UNC5C: variants seen among roughly 807,000 people sequenced by gnomAD.
UNC5C encodes unc-5 netrin receptor C.
Under a neutral mutation model 99.8 loss-of-function variants are expected in UNC5C, and 47 were observed. The observed-to-expected ratio is 0.47, with a 90% CI of 0.37 to 0.60. UNC5C has a LOEUF of 0.60. Ranked by LOEUF, UNC5C falls within the 20% of genes least tolerant of loss-of-function variation. The pLI is 0.00. For missense variants in UNC5C, 1,062 were observed against 1,165.9 expected (o/e 0.91, Z 1.30); for synonymous variants, 487 against 452.2 (o/e 1.08, Z -0.98).
chr4:95,383,615 G>A (rs141804373), intron 1 of UNC5C, among the ~76,000 whole-genome samples: 142 of 152,264 alleles, frequency 9.3e-4, no homozygotes, highest in Non-Finnish European at 1.7e-3. Flanking sequence ...CCCAACAACA[G>A]CAAACCAGGG....
intron 1 of UNC5C, among the ~76,000 whole-genome samples, chr4:95,395,904 C>T (rs988782180): frequency 1.1e-4 from 17 of 152,150 alleles, no homozygotes; most frequent in African/African-American, 4.1e-4. Context: ...TGAAGACTGG[C>T]CTGTTGGCCT....
chr4:95,373,648 C>A (rs1047720587), intron 1 of UNC5C, among the ~76,000 whole-genome samples: 26 of 152,174 alleles, frequency 1.7e-4, no homozygotes, highest in African/African-American at 6.3e-4. Flanking sequence ...AGCACAGCAA[C>A]TGGCACAAGG....
At chr4:95,373,246 A>G (rs1252291305) in intron 1 of UNC5C, among the ~76,000 whole-genome samples, 1 of 152,154 alleles carries the variant, frequency 6.6e-6, no homozygotes, top group Admixed American at 6.5e-5. Flanking sequence ...CCGGCTTTCC[A>G]TGGTTTCATT....
intron 7 of UNC5C, among the ~76,000 whole-genome samples, chr4:95,224,937 C>T (rs146675717): frequency 1.1e-4 from 17 of 150,796 alleles, no homozygotes; most frequent in African/African-American, 4.1e-4. Flanking sequence ...GAGGCAAGTG[C>T]TTGATGAGAA....
chr4:95,515,743 G>C (rs752962466), intron 1 of UNC5C, among the ~76,000 whole-genome samples: 3 of 152,168 alleles, frequency 2.0e-5, no homozygotes, highest in African/African-American at 7.2e-5. Context: ...TTGCAATAAT[G>C]CATCCTAAAA....
chr4:95,230,762 T>G (rs1472604049), intron 7 of UNC5C, among the ~76,000 whole-genome samples: 2 of 151,584 alleles, frequency 1.3e-5, no homozygotes, highest in Admixed American at 1.3e-4. Context: ...AGATCCTGCA[T>G]GAGAACAGGC....
intron 12 of UNC5C, among the ~76,000 whole-genome samples, chr4:95,201,612 T>C (rs189981422): frequency 2.3e-3 from 349 of 151,934 alleles, no homozygotes; most frequent in African/African-American, 8.1e-3. Context: ...GAGTCTTCTT[T>C]TTTTTTTTTC....
intron 2 of UNC5C, among the ~76,000 whole-genome samples, chr4:95,319,249 G>A (rs1742589977): frequency 6.6e-6 from 1 of 152,148 alleles, no homozygotes; most frequent in African/African-American, 2.4e-5. Context: ...TATTATCTCT[G>A]GGGCTGGGGC....
chr4:95,251,516 A>G (rs1271078417), intron 4 of UNC5C, among the ~76,000 whole-genome samples: 1 of 152,222 alleles, frequency 6.6e-6, no homozygotes, highest in Non-Finnish European at 1.5e-5. Context: ...AAAAGAGGAA[A>G]CATACCTGTA....
chr4:95,309,946 G>A (rs1742219574), intron 2 of UNC5C, among the ~76,000 whole-genome samples: 1 of 152,146 alleles, frequency 6.6e-6, no homozygotes, highest in East Asian at 1.9e-4. Context: ...TATACCCAAA[G>A]TAAATGAATC....
At position 95,163,491 on chromosome 4, in the gene UNC5C, C is replaced by T. The variant is rs1463583603; in HGVS notation, c.*5743G>A. 6.6e-6 allele frequency: 1 copy of T among 152,248 alleles called. No homozygotes were observed. Among genetic ancestry groups the T allele is most frequent in the Non-Finnish European group, 1.5e-5 (1 of 68,072 alleles). The allele number at this position is 152,248 out of a possible 1,614,324, so 9.4% of individuals were successfully genotyped here. On this transcript the variant is annotated 3_prime_UTR_variant, in exon 16 of 16. Transcript: ENST00000453304. ...CTGCCTACAATTCATCTTCTACACA[C>T]CAGTACTGAGGGTTATTCCACCCCG...
At position 95,288,326 on chromosome 4, in the gene UNC5C, G is replaced by A. The variant is rs1040973113; in HGVS notation, c.491-9964C>T. Among the ~76,000 whole-genome samples the A allele has an allele frequency of 5.9e-5, 9 of 151,966 alleles. No individual in the cohort carries two copies. The South Asian group carries it at 8.3e-4, about 14-fold the overall frequency. On this transcript the variant is annotated intron_variant, in intron 3 of 15. Transcript: ENST00000453304. ...TCTTGATCTCCTGACCTTGTGATCC[G>A]CCTGCCTCAGCCTCCCAAACTGCTG...
At chr4:95,375,111 C>T (rs535068458) in intron 1 of UNC5C, among the ~76,000 whole-genome samples, 15 of 152,084 alleles carry the variant, frequency 9.9e-5, no homozygotes, top group African/African-American at 2.2e-4. Flanking sequence ...TAATTTGTCA[C>T]GTAGTAGACT....
chr4:95,368,966 G>T (rs1443843931), intron 1 of UNC5C, among the ~76,000 whole-genome samples: 1 of 151,882 alleles, frequency 6.6e-6, no homozygotes, highest in African/African-American at 2.4e-5. Context: ...CACCCAGGCT[G>T]GAGTGCAGTG....
intron 1 of UNC5C, among the ~76,000 whole-genome samples, chr4:95,391,171 C>T (rs1223407017): frequency 6.6e-6 from 1 of 152,202 alleles, no homozygotes; most frequent in Non-Finnish European, 1.5e-5. Context: ...TCATGTGGAA[C>T]TGTGAGTCCA....
chr4:95,242,094 G>A (rs1459133078), intron 7 of UNC5C, among the ~76,000 whole-genome samples: 1 of 152,098 alleles, frequency 6.6e-6, no homozygotes, highest in Non-Finnish European at 1.5e-5. Flanking sequence ...TTACATTTTA[G>A]AAGTCTTGTT....
chr4:95,286,164 G>T (rs1375878102), intron 3 of UNC5C, among the ~76,000 whole-genome samples: 3 of 152,104 alleles, frequency 2.0e-5, no homozygotes, highest in Non-Finnish European at 4.4e-5. Context: ...ATTTTATTAG[G>T]CTATACATCT....
chr4:95,491,193 T>C (rs1275327513), intron 1 of UNC5C, among the ~76,000 whole-genome samples: 1 of 151,546 alleles, frequency 6.6e-6, no homozygotes, highest in Non-Finnish European at 1.5e-5. Flanking sequence ...AGTAAGAAAA[T>C]GTGAACATAG....
At chr4:95,370,815 T>C (rs1744724631) in intron 1 of UNC5C, among the ~76,000 whole-genome samples, 1 of 152,202 alleles carries the variant, frequency 6.6e-6, no homozygotes, top group Non-Finnish European at 1.5e-5. Flanking sequence ...TTCCAATGAT[T>C]ATATGAATAA....
Sources: allele counts gnomAD v4.1 joint callset (sites outside exome capture counted in the v4.1 genomes callset), GRCh38; gene constraint gnomAD v4.1.1; transcripts MANE v1.5; gene names NCBI Gene and HGNC (gene_info 2026-07-23, HGNC 2026-07-21).